The following LAMA2 variants were observed in gnomAD, a reference collection of about 807,000 sequenced individuals.
LAMA2 encodes laminin subunit alpha-2.
LAMA2 carries 269 observed loss-of-function variants against 364.8 expected under a neutral mutation model. The ratio of observed to expected loss-of-function variants is 0.74; its 90% confidence interval spans 0.67 to 0.82. LAMA2 has a LOEUF of 0.82. Ranked by LOEUF, LAMA2 falls within the 40% of genes least tolerant of loss-of-function variation. The probability of loss-of-function intolerance (pLI) is 0.00; values close to 1 mark genes in which losing one functional copy is unlikely to be tolerated. For missense variants in LAMA2, 3,807 were observed against 3,873.2 expected, an observed-to-expected ratio of 0.98 and a Z score of 0.45; for synonymous variants, 1,379 against 1,370.6, an observed-to-expected ratio of 1.01 and a Z score of -0.14.
chr6:129,224,927 C>T (rs1186315703), intron 12 of LAMA2, among the ~76,000 whole-genome samples: 1 of 152,136 alleles, frequency 6.6e-6, no homozygotes, highest in Non-Finnish European at 1.5e-5. Context: ...CCTCCTTGTA[C>T]CTCTGGTAGA....
intron 60 of LAMA2, among the ~76,000 whole-genome samples, chr6:129,504,941 A>G (rs1785936929): frequency 6.6e-6 from 1 of 152,196 alleles, no homozygotes; most frequent in Non-Finnish European, 1.5e-5. Context: ...TTGGCAATCT[A>G]CCGAGGAGAC....
intron 56 of LAMA2, 37 bp from the exon 57 acceptor site, chr6:129,491,864 T>G (rs1215143354): frequency 6.8e-7 from 1 of 1,476,630 alleles, no homozygotes; most frequent in East Asian, 2.3e-5. Context: ...TTGAATCAGA[T>G]GTGACTTATA....
chr6:129,230,247 A>T (rs1562358455), intron 12 of LAMA2, among the ~76,000 whole-genome samples: 1 of 152,176 alleles, frequency 6.6e-6, no homozygotes, highest in East Asian at 1.9e-4. Context: ...CAAGTGATCA[A>T]CTTTGTCAGA....
intron 1 of LAMA2, among the ~76,000 whole-genome samples, chr6:128,912,657 A>G (rs377332274): frequency 3.3e-5 from 5 of 152,354 alleles, no homozygotes; most frequent in East Asian, 1.9e-4. Context: ...CTCCAAATAC[A>G]AAGATGAGCA....
chr6:129,353,065 G>C (rs1166908637), intron 31 of LAMA2, 99 bp from the exon 32 acceptor site: 1 of 826,932 alleles, frequency 1.2e-6, no homozygotes, highest in African/African-American at 1.7e-5. Flanking sequence ...ATGGACTCTT[G>C]CTATCAGTTT....
chr6:129,308,856 G>C (rs575124778), intron 22 of LAMA2, among the ~76,000 whole-genome samples: 18 of 152,286 alleles, frequency 1.2e-4, no homozygotes, highest in African/African-American at 4.3e-4. Flanking sequence ...AGGATCAGGA[G>C]AAAAGCAGGG....
intron 4 of LAMA2, among the ~76,000 whole-genome samples, chr6:129,098,973 G>A (rs75481868): frequency 1.3e-5 from 2 of 152,124 alleles, no homozygotes; most frequent in African/African-American, 4.8e-5. Context: ...GCTAGGTTAC[G>A]TGCTTAGTTC....
intron 56 of LAMA2, among the ~76,000 whole-genome samples, chr6:129,489,261 T>C (rs891529906): frequency 1.1e-4 from 16 of 152,192 alleles, no homozygotes; most frequent in Non-Finnish European, 1.0e-4. Context: ...ACAAAATAAT[T>C]GGATTTTCAC....
intron 12 of LAMA2, among the ~76,000 whole-genome samples, chr6:129,208,814 A>C (rs925248523): frequency 1.4e-4 from 21 of 152,166 alleles, no homozygotes; most frequent in African/African-American, 4.8e-4. Context: ...AAATAAATGC[A>C]GCAGGAAAGG....
chr6:129,329,778 C>T (rs1441858703), intron 29 of LAMA2, among the ~76,000 whole-genome samples: 1 of 152,156 alleles, frequency 6.6e-6, no homozygotes, highest in African/African-American at 2.4e-5. Flanking sequence ...CATCAGGGTC[C>T]ACAACCCCTG....
At chr6:129,312,642 T>C (rs1774300397) in intron 22 of LAMA2, among the ~76,000 whole-genome samples, 1 of 152,244 alleles carries the variant, frequency 6.6e-6, no homozygotes, top group Admixed American at 6.5e-5. Context: ...CATAGCATTA[T>C]GGTTTCTGGA....
chr6:129,239,671 G>T (rs1322404327), intron 12 of LAMA2, among the ~76,000 whole-genome samples: 1 of 152,024 alleles, frequency 6.6e-6, no homozygotes, highest in African/African-American at 2.4e-5. Context: ...ATTTTCAACA[G>T]CTCTAGATAT....
chr6:129,166,423 C>A (rs559520106), intron 9 of LAMA2, among the ~76,000 whole-genome samples: 2 of 152,262 alleles, frequency 1.3e-5, no homozygotes, highest in East Asian at 3.9e-4. Context: ...TCCCTAATGA[C>A]TTTAGCGTTA....
rs751554764 is a variant in LAMA2, at chr6:128,978,855, A to G, written c.113-71063A>G. ...AATTCGGGTAAGACAGAAGGTTGAG[A>G]AAGATGTTTTCAGAGAAGGCTCCAC... On this transcript the variant is annotated intron_variant, in intron 1 of 64. Coordinates refer to ENST00000421865, the MANE Select transcript of LAMA2 (RefSeq NM_000426.4). Among the ~76,000 whole-genome samples, 6 of 152,150 alleles carry G rather than the reference A, an allele frequency of 3.9e-5. 1 individual carries two copies. Among genetic ancestry groups the G allele is most frequent in the Middle Eastern group, 6.3e-3 (2 of 316 alleles).
chr6:129,496,991 C>T (rs1392472261), intron 58 of LAMA2, among the ~76,000 whole-genome samples: 1 of 152,084 alleles, frequency 6.6e-6, no homozygotes, highest in Admixed American at 6.5e-5. Context: ...TCTATTTATT[C>T]TTTTGTTAGT....
chr6:129,499,592 T>C (rs1785464205), intron 58 of LAMA2, among the ~76,000 whole-genome samples: 1 of 152,136 alleles, frequency 6.6e-6, no homozygotes, highest in African/African-American at 2.4e-5. Flanking sequence ...TTTAAAATGC[T>C]AGAAGGAAAA....
rs73600887 is a variant in LAMA2 at position 129,512,779 on chromosome 6, A to G, written c.8988+286A>G. On this transcript the variant is annotated intron_variant, in intron 63 of 64. Coordinates refer to ENST00000421865, the MANE Select transcript of LAMA2 (RefSeq NM_000426.4). ...GATCTCGAGTTCTTACTGTGTTGCT[A>G]TAAACACACTCTTATTCTCCTCTTA... 5.2e-3 allele frequency among the ~76,000 whole-genome samples: 793 copies of G among 152,306 alleles called. 7 individuals carry two copies. Among genetic ancestry groups the G allele is most frequent in the African/African-American group, 0.018 (753 of 41,574 alleles).
chr6:129,427,932 G>C (rs1781405956), intron 41 of LAMA2, 78 bp downstream of exon 41: 9 of 898,668 alleles, frequency 1.0e-5, no homozygotes, highest in Middle Eastern at 2.2e-4. Context: ...CACTATTGGA[G>C]AATGTAATTT....
At chr6:129,110,029 T>C (rs1487645011) in intron 4 of LAMA2, among the ~76,000 whole-genome samples, 1 of 151,968 alleles carries the variant, frequency 6.6e-6, no homozygotes, top group East Asian at 1.9e-4. Context: ...AACAGTATGG[T>C]TTCATGGAAT....
Sources: gnomAD v4.1 joint callset for allele counts (sites outside exome capture counted in the v4.1 genomes callset) on GRCh38, gnomAD v4.1.1 for gene constraint, MANE v1.5 for transcripts, NCBI Gene and HGNC (gene_info 2026-07-23, HGNC 2026-07-21) for gene names.